The following SGIP1 variants were observed in gnomAD, a reference collection of about 807,000 sequenced individuals.
The protein encoded by SGIP1 is SH3GL interacting endocytic adaptor 1, also known as SH3-containing GRB2-like protein 3-interacting protein 1.
SGIP1 carries 38 observed loss-of-function variants against 107.5 expected under a neutral mutation model. That is an observed-to-expected ratio of 0.35 (90% CI 0.27 to 0.46). The LOEUF is 0.46. Ranked by LOEUF, SGIP1 falls within the 20% of genes least tolerant of loss-of-function variation. The probability of loss-of-function intolerance (pLI) is 1.00; values close to 1 mark genes in which losing one functional copy is unlikely to be tolerated. For synonymous variants in SGIP1, 365 were observed against 366.1 expected, an observed-to-expected ratio of 1.00 and a Z score of 0.03; for missense variants, 929 against 1,019.5, an observed-to-expected ratio of 0.91 and a Z score of 1.21.
intron 18 of SGIP1, 71 bp from the exon 19 acceptor site, chr1:66,719,223 G>T: frequency 3.0e-6 from 3 of 988,760 alleles, no homozygotes; most frequent in Admixed American, 2.5e-5. Context: ...TCCTTTAATG[G>T]GCTTTTAATT....
intron 18 of SGIP1, among the ~76,000 whole-genome samples, chr1:66,710,619 G>T (rs1306808500): frequency 1.3e-5 from 2 of 152,050 alleles, no homozygotes; most frequent in South Asian, 2.1e-4. Flanking sequence ...TTACATGAAT[G>T]CAGAACCCAA....
At chr1:66,708,600 T>C (rs2092691291) in intron 18 of SGIP1, among the ~76,000 whole-genome samples, 1 of 152,180 alleles carries the variant, frequency 6.6e-6, no homozygotes, top group African/African-American at 2.4e-5. Context: ...AAAAAGCAAG[T>C]ATAATATTCT....
chr1:66,582,393 T>A (rs1348753645), intron 1 of SGIP1, among the ~76,000 whole-genome samples: 1 of 152,050 alleles, frequency 6.6e-6, no homozygotes, highest in Non-Finnish European at 1.5e-5. Flanking sequence ...AGGGATACTT[T>A]GTATGAAAAC....
intron 2 of SGIP1, among the ~76,000 whole-genome samples, chr1:66,627,353 C>T (rs1283354570): frequency 6.6e-6 from 1 of 152,024 alleles, no homozygotes; most frequent in Non-Finnish European, 1.5e-5. Context: ...TAGTAAAGTC[C>T]ACTAGGCATT....
Position 66,689,057 on chromosome 1 carries a change from A to T in SGIP1, c.1316-91A>T. 4.1e-6 allele frequency: 6 copies of T among 1,454,056 alleles called. No individual in the cohort carries two copies. The South Asian group carries it at 9.5e-5, about 23-fold the overall frequency. 90.1% of individuals were successfully genotyped at this position (1,454,056 alleles called of 1,614,324 possible). On this transcript the variant is annotated intron_variant, in intron 15 of 24. Transcript: ENST00000371037. ...TAGTAACTGCCAAGGCAAAAAAAAA[A>T]AAAAAAATGTCCGGGACTGGCATTA...
At chr1:66,594,347 A>G (rs1337396719) in intron 1 of SGIP1, among the ~76,000 whole-genome samples, 1 of 152,224 alleles carries the variant, frequency 6.6e-6, no homozygotes, top group African/African-American at 2.4e-5. Context: ...TATTGTTATT[A>G]ACATTAACTT....
At chr1:66,537,371 A>T (rs1446643305) in intron 1 of SGIP1, among the ~76,000 whole-genome samples, 1 of 152,114 alleles carries the variant, frequency 6.6e-6, no homozygotes, top group Non-Finnish European at 1.5e-5. Context: ...TAAGCTTACA[A>T]TGAAGTCTAT....
chr1:66,739,519 T>A lies in SGIP1; in HGVS notation c.2216T>A (p.Val739Glu), dbSNP rs2094379012. 5 of 1,613,832 alleles carry A rather than the reference T, an allele frequency of 3.1e-6. No individual in the cohort carries two copies. Among genetic ancestry groups the A allele is most frequent in the Admixed American group, 3.3e-5 (2 of 60,008 alleles). ...IDGGVTKLQA[V>E]LPPAVWNAEQ... Reference sequence around the variant, plus strand: ...GGAGGAGTCACCAAGCTCCAGGCAGTGCTCCCACCAGCAGTCTGGTATGAA... The same window carrying A: ...GGAGGAGTCACCAAGCTCCAGGCAGAGCTCCCACCAGCAGTCTGGTATGAA... The change falls in exon 22 of 25, where the codon GTG becomes GAG. Residue 739 changes from valine to glutamate, a missense_variant. Physicochemically the swap from Val to Glu is moderately radical, Grantham distance 121. Transcript: ENST00000371037.
intron 8 of SGIP1, among the ~76,000 whole-genome samples, chr1:66,663,167 A>T (rs1018855379): frequency 3.3e-5 from 5 of 152,124 alleles, no homozygotes; most frequent in Non-Finnish European, 7.3e-5. Flanking sequence ...GAACAGTGGC[A>T]AGTTTTCCAG....
At position 66,582,730 on chromosome 1, in the gene SGIP1, C is replaced by T. The variant is rs1298610149; in HGVS notation, c.11-43117C>T. The stretch of plus-strand genomic sequence containing the variant: ...TAGATGCTGCCTAAAAACTATTTAT[C>T]AATGAGAATGTGAGACAAATATGCC... On this transcript the variant is annotated intron_variant, in intron 1 of 24. Coordinates refer to ENST00000371037, the MANE Select transcript of SGIP1 (RefSeq NM_032291.4). Among the ~76,000 whole-genome samples, 5 of 151,252 alleles carry T rather than the reference C, an allele frequency of 3.3e-5. No individual in the cohort carries two copies. The East Asian group carries it at 7.8e-4, about 24-fold the overall frequency.
At chr1:66,671,588 A>G (rs79165771) in intron 10 of SGIP1, among the ~76,000 whole-genome samples, 2,055 of 152,322 alleles carry the variant, frequency 0.013, 37 homozygotes, top group African/African-American at 0.046. Context: ...TGTATTACAC[A>G]TATGGCCTGG....
intron 2 of SGIP1, 89 bp from the exon 3 acceptor site, chr1:66,632,981 G>T: frequency 1.2e-6 from 1 of 828,012 alleles, no homozygotes; most frequent in Non-Finnish European, 2.1e-6. Context: ...AGGGGAGGAT[G>T]GTGGTTATTG....
At chr1:66,678,755 C>A (rs996157045) in intron 13 of SGIP1, among the ~76,000 whole-genome samples, 4 of 152,134 alleles carry the variant, frequency 2.6e-5, no homozygotes, top group African/African-American at 7.2e-5. Context: ...GAAAAAGCTT[C>A]TTCCTAATTT....
chr1:66,694,200 A>AGATTTTGTCTGT (rs1553159837), intron 17 of SGIP1, among the ~76,000 whole-genome samples: 1 of 138,680 alleles, frequency 7.2e-6, no homozygotes, highest in Non-Finnish European at 1.5e-5. Flanking sequence ...ACAAATTCAC[A>AGATTTTGTCTGT]GATGCTAAAC....
chr1:66,638,294 A>G (rs2076168285), intron 4 of SGIP1, among the ~76,000 whole-genome samples: 1 of 152,178 alleles, frequency 6.6e-6, no homozygotes, highest in African/African-American at 2.4e-5. Context: ...ACATTATGTA[A>G]TGGACCAGTT....
chr1:66,537,408 AT>A (rs1291555850), intron 1 of SGIP1, among the ~76,000 whole-genome samples: 3 of 152,124 alleles, frequency 2.0e-5, no homozygotes, highest in Non-Finnish European at 4.4e-5. Context: ...TTCAAGGACT[AT>A]TTTTTGATAT....
chr1:66,619,869 T>C (rs755627222), intron 1 of SGIP1, among the ~76,000 whole-genome samples: 1 of 152,098 alleles, frequency 6.6e-6, no homozygotes, highest in Non-Finnish European at 1.5e-5. Context: ...TGGAGAAAAA[T>C]ATTTCAGGTG....
At chr1:66,721,968 A>G (rs76173502) in intron 19 of SGIP1, among the ~76,000 whole-genome samples, 2,435 of 152,188 alleles carry the variant, frequency 0.016, 64 homozygotes, top group African/African-American at 0.055. Context: ...AAAATGCTTC[A>G]TAATACTCTT....
rs116258534 is a variant in SGIP1 at position 66,733,368 on chromosome 1, C to T, written c.1899-380C>T. Among the ~76,000 whole-genome samples the T allele has an allele frequency of 1.8e-3, 272 of 152,226 alleles. 2 individuals are homozygous for T. The highest frequency in any genetic ancestry group is 6.2e-3 in the African/African-American group (256 of 41,540). ...TCAAAGTAATTCAAAAGTAAATAAACGTATTCAGTTCCTTAATTGCCTTAA... is the reference window on the plus strand; with the variant it reads ...TCAAAGTAATTCAAAAGTAAATAAATGTATTCAGTTCCTTAATTGCCTTAA... On this transcript the variant is annotated intron_variant, in intron 20 of 24. Coordinates refer to ENST00000371037, the MANE Select transcript of SGIP1 (RefSeq NM_032291.4).
Sources: gnomAD v4.1 joint callset for allele counts (sites outside exome capture counted in the v4.1 genomes callset) on GRCh38, gnomAD v4.1.1 for gene constraint, MANE v1.5 for transcripts, NCBI Gene and HGNC (gene_info 2026-07-23, HGNC 2026-07-21) for gene names.